IL1RL1: variants seen among roughly 807,000 people sequenced by gnomAD.
The protein encoded by IL1RL1 is interleukin-1 receptor-like 1.
In IL1RL1, 32 loss-of-function variants were observed where a neutral mutation model predicts 50.9. The observed-to-expected ratio is 0.63, with a 90% CI of 0.47 to 0.84. IL1RL1 has a LOEUF of 0.84. IL1RL1 is among the 40% of genes least tolerant of loss of function. The pLI, the probability that IL1RL1 is intolerant of heterozygous loss-of-function variation, is 0.00. For missense variants in IL1RL1, 773 were observed against 662.9 expected (o/e 1.17, Z -1.82); for synonymous variants, 275 against 236.0 (o/e 1.17, Z -1.51).
At chr2:102,323,275 T>TATATATATATATATATATATATATATA (rs1559596435) in intron 1 of IL1RL1, among the ~76,000 whole-genome samples, 9 of 28,674 alleles carry the variant, frequency 3.1e-4, no homozygotes, top group African/African-American at 1.1e-3. Flanking sequence ...ATATATATAG[T>TATATATATATATATATATATATATATA]GTGTGTGTGT....
chr2:102,352,326 A>G (rs1269657510), downstream of IL1RL1, among the ~76,000 whole-genome samples: 2 of 140,174 alleles, frequency 1.4e-5, no homozygotes, highest in East Asian at 4.1e-4. Flanking sequence ...CCTCAGGCAG[A>G]ATGTCAGTTG....
At chr2:102,322,961 T>G (rs1676877348) in intron 1 of IL1RL1, among the ~76,000 whole-genome samples, 1 of 152,184 alleles carries the variant, frequency 6.6e-6, no homozygotes. Flanking sequence ...TTTATTATTT[T>G]TTTGTTTGGA....
chr2:102,325,999 G>T (rs1676987027), intron 1 of IL1RL1, among the ~76,000 whole-genome samples: 1 of 152,108 alleles, frequency 6.6e-6, no homozygotes, highest in Admixed American at 6.5e-5. Flanking sequence ...GAAATACAGA[G>T]AACACCACAA....
chr2:102,320,853 T>C (rs746293980), intron 1 of IL1RL1, among the ~76,000 whole-genome samples: 2 of 152,160 alleles, frequency 1.3e-5, no homozygotes, highest in Non-Finnish European at 2.9e-5. Flanking sequence ...TTCTTAAGAG[T>C]GTTTTCACAT....
intron 5 of IL1RL1, chr2:102,341,348 A>G (rs867542393): frequency 3.3e-6 from 4 of 1,227,320 alleles, no homozygotes; most frequent in African/African-American, 1.6e-5. Context: ...AACATCATCA[A>G]TGGCCTTGAG....
In IL1RL1 at chr2:102,343,354, T is replaced by A. The variant is rs1481578726; in HGVS notation, c.909T>A (p.Cys303Ter). Residue 303 changes from cysteine to a stop codon, truncating the protein, a stop_gained, in exon 8 of 11, where the codon TGT becomes TGA. Coordinates refer to ENST00000233954, the MANE Select transcript of IL1RL1 (RefSeq NM_016232.5). LOFTEE classifies it high-confidence loss of function. The part of the protein sequence containing the change: ...KEEDLLLQYD[C>*]LALNLHGLRR... ...AGGATTTATTGCTGCAGTACGACTGTCTGGCCCTGAATTTGCATGGCTTGA... is the reference window on the plus strand; with the variant it reads ...AGGATTTATTGCTGCAGTACGACTGACTGGCCCTGAATTTGCATGGCTTGA... The A allele has an allele frequency of 6.2e-7, 1 of 1,614,198 alleles. No homozygotes were observed. Among genetic ancestry groups the A allele is most frequent in the Admixed American group, 1.7e-5 (1 of 60,020 alleles).
intron 1 of IL1RL1, among the ~76,000 whole-genome samples, chr2:102,327,910 G>T (rs1369479525): frequency 6.6e-6 from 1 of 152,104 alleles, no homozygotes; most frequent in Non-Finnish European, 1.5e-5. Context: ...ATTCACAGCC[G>T]AATTCTACCA....
At chr2:102,323,816 C>T (rs1259469252) in intron 1 of IL1RL1, among the ~76,000 whole-genome samples, 1 of 152,130 alleles carries the variant, frequency 6.6e-6, no homozygotes, top group Non-Finnish European at 1.5e-5. Context: ...ACCTCTGAAA[C>T]CATCATCTCA....
intron 1 of IL1RL1, among the ~76,000 whole-genome samples, chr2:102,326,334 C>A (rs932816411): frequency 4.6e-5 from 7 of 152,122 alleles, no homozygotes; most frequent in East Asian, 1.9e-4. Context: ...GCCTGCCCTA[C>A]AAGAGCTCCT....
rs55689851 is a variant in IL1RL1, at chr2:102,323,273, A to AGT, written c.-150+11671_-150+11672dup. Among the ~76,000 whole-genome samples the AGT allele has an allele frequency of 4.5e-3, 218 of 48,444 alleles. No individual in the cohort carries two copies. In the Middle Eastern group the frequency reaches 0.052, roughly 11 times the overall value. The allele number at this position is 48,444 out of a possible 152,430, so 31.8% of individuals were successfully genotyped here. A position where few individuals can be genotyped will look rare whatever the true frequency, so the allele number is the denominator to read the frequency against. The stretch of plus-strand genomic sequence containing the variant: ...TATATATATATATATATATATATAT[A>AGT]GTGTGTGTGTGTGTGTGTGTGTATA... On this transcript the variant is annotated intron_variant, in intron 1 of 10. Transcript: ENST00000233954.
Position 102,351,651 on chromosome 2 carries a change from C to A in IL1RL1, c.1401C>A (p.His467Gln). The part of the protein sequence containing the change: ...EFAYEQEVAL[H>Q]CALIQNDAKV... The stretch of plus-strand genomic sequence containing the variant: ...CCTACGAGCAGGAGGTTGCCCTGCA[C>A]TGTGCCCTCATCCAGAACGACGCCA... Residue 467 changes from histidine (H) to glutamine (Q), a missense_variant, in exon 11 of 11, where the codon CAC becomes CAA. By Grantham distance (24) the His-to-Gln change is conservative. Transcript: ENST00000233954. The A allele has an allele frequency of 6.2e-7, 1 of 1,614,156 alleles. No individual in the cohort carries two copies. Among genetic ancestry groups the A allele is most frequent in the Admixed American group, 1.7e-5 (1 of 60,012 alleles).
chr2:102,321,929 T>C (rs1420089), intron 1 of IL1RL1, among the ~76,000 whole-genome samples: 19,473 of 152,246 alleles, frequency 0.13, 1,567 homozygotes, highest in African/African-American at 0.21. Context: ...TCTAGTCTGA[T>C]TAGTCTTGTC....
intron 1 of IL1RL1, among the ~76,000 whole-genome samples, chr2:102,326,120 C>T (rs1676990484): frequency 6.6e-6 from 1 of 152,218 alleles, no homozygotes; most frequent in African/African-American, 2.4e-5. Flanking sequence ...GGGTTACCCA[C>T]AAGGGGAAGC....
chr2:102,312,363 T>G (rs1267779502), intron 1 of IL1RL1, among the ~76,000 whole-genome samples: 1 of 151,194 alleles, frequency 6.6e-6, no homozygotes, highest in African/African-American at 2.4e-5. Flanking sequence ...AATGGGAAAA[T>G]CATGGTACAG....
intron 1 of IL1RL1, among the ~76,000 whole-genome samples, chr2:102,325,329 A>G (rs141333194): frequency 0.078 from 11,873 of 152,260 alleles, 602 homozygotes; most frequent in Non-Finnish European, 0.1. Flanking sequence ...CAGAAACGAC[A>G]TCCACACCAA....
At chr2:102,342,098 T>C (rs1677590567) in intron 5 of IL1RL1, 125 bp from the exon 6 acceptor site, 1 of 589,926 alleles carries the variant, frequency 1.7e-6, no homozygotes, top group Non-Finnish European at 3.0e-6. Context: ...TTTGTCATTA[T>C]GGGTTATTGT....
intron 1 of IL1RL1, among the ~76,000 whole-genome samples, chr2:102,323,795 C>T (rs1676910202): frequency 6.6e-6 from 1 of 152,112 alleles, no homozygotes; most frequent in Non-Finnish European, 1.5e-5. Flanking sequence ...GTACAAATAT[C>T]CATGCATACC....
Position 102,338,852 on chromosome 2 carries a change from G to T in IL1RL1, c.77G>T (p.Gly26Val), listed in dbSNP as rs755709577. ...TAAKFSKQSW[G>V]LENEALIVRC... Reference sequence around the variant, plus strand: ...TTATTTGCAGGTAAACAATCATGGGGCCTGGAAAATGAGGCTTTAATTGTA... The same window carrying T: ...TTATTTGCAGGTAAACAATCATGGGTCCTGGAAAATGAGGCTTTAATTGTA... Residue 26 changes from glycine to valine, a missense_variant, in exon 3 of 11, where the codon GGC becomes GTC. Physicochemically the swap from Gly to Val is moderately radical, Grantham distance 109 (BLOSUM62 -3). Coordinates refer to ENST00000233954, the MANE Select transcript of IL1RL1 (RefSeq NM_016232.5). 3 of 1,612,270 alleles carry T rather than the reference G, an allele frequency of 1.9e-6. No individual in the cohort carries two copies. The South Asian group carries it at 3.3e-5, about 18-fold the overall frequency.
intron 5 of IL1RL1, chr2:102,341,051 C>T (rs1677541405): frequency 3.0e-6 from 2 of 660,672 alleles, no homozygotes; most frequent in African/African-American, 3.8e-5. Flanking sequence ...AATTCAAAGC[C>T]ACATCTGTTC....
Sources: gnomAD v4.1 joint callset for allele counts (sites outside exome capture counted in the v4.1 genomes callset) on GRCh38, gnomAD v4.1.1 for gene constraint, MANE v1.5 for transcripts, NCBI Gene and HGNC (gene_info 2026-07-23, HGNC 2026-07-21) for gene names.